KRT17: variants seen among roughly 807,000 people sequenced by gnomAD.
KRT17 encodes keratin, type I cytoskeletal 17.
In KRT17, 29 loss-of-function variants were observed where a neutral mutation model predicts 45.6. The observed-to-expected ratio is 0.64, with a 90% CI of 0.47 to 0.87. KRT17 has a LOEUF of 0.87. Among genes scored for constraint, KRT17 ranks in the 40% least tolerant of loss-of-function variants. The pLI is 0.00. For synonymous variants in KRT17, 219 were observed against 234.6 expected, an observed-to-expected ratio of 0.93 and a Z score of 0.61; for missense variants, 536 against 577.8, an observed-to-expected ratio of 0.93 and a Z score of 0.74.
chr17:41,622,243 C>T (rs1224497323), intron 3 of KRT17, 112 bp downstream of exon 3: 9 of 1,412,546 alleles, frequency 6.4e-6, no homozygotes, highest in Admixed American at 1.7e-5. Context: ...TCTAAGGTGA[C>T]TAATCCCGGT....
rs773674040 is a variant in KRT17, at chr17:41,621,675, C to A, written c.752G>T (p.Arg251Leu). The change falls in exon 4 of 8, where the codon CGC becomes CTC. Residue 251 changes from arginine to leucine, a missense_variant. Arg to Leu is a moderately radical substitution (Grantham distance 102, BLOSUM62 -2). Coordinates refer to ENST00000311208, the MANE Select transcript of KRT17 (RefSeq NM_000422.3). ...CTGGTCACGCATCTCGTTGAGGATG[C>A]GGCTCAGGTCCACGCCTGGGGCAGC... ...MDAAPGVDLS[R>L]ILNEMRDQYE... The A allele has an allele frequency of 1.9e-6, 3 of 1,612,274 alleles. No homozygotes were observed. The highest frequency in any genetic ancestry group is 2.5e-6 in the Non-Finnish European group (3 of 1,179,862).
At position 41,622,356 on chromosome 17, in the gene KRT17, T is replaced by G; in HGVS notation, c.671A>C (p.Glu224Ala). The G allele has an allele frequency of 5.0e-6, 8 of 1,613,268 alleles. No individual in the cohort carries two copies. The highest frequency in any genetic ancestry group is 6.8e-6 in the Non-Finnish European group (8 of 1,179,986). ...GACCTTCTGCCCCAGCCACCTCACCTCCTCGTGGTTCTTCTTCAGGTAGGC... is the reference window on the plus strand; with the variant it reads ...GACCTTCTGCCCCAGCCACCTCACCGCCTCGTGGTTCTTCTTCAGGTAGGC... ...ELAYLKKNHE[E>A]EMNALRGQVG... Residue 224 changes from glutamate to alanine, a missense_variant and splice_region_variant, in exon 3 of 8, where the codon GAG becomes GCG. By Grantham distance (107) the Glu-to-Ala change is moderately radical. Transcript: ENST00000311208.
rs148274114 is a variant in KRT17, at chr17:41,619,525, G to A, written c.*69C>T. On this transcript the variant is annotated 3_prime_UTR_variant, in exon 8 of 8. Transcript: ENST00000311208. ...GCAGGGGGCTGAGGCTGGAGAGGCC[G>A]GAGACTGTGGGGCAGATGGGGCGGC... 1.8e-3 allele frequency: 2,922 copies of A among 1,611,116 alleles called. 9 individuals carry two copies. Among genetic ancestry groups the A allele is most frequent in the Middle Eastern group, 0.013 (59 of 4,436 alleles).
chr17:41,622,715 TGCCTCCC>T (rs1271697773), intron 2 of KRT17, among the ~76,000 whole-genome samples: 4 of 152,208 alleles, frequency 2.6e-5, no homozygotes, highest in Non-Finnish European at 5.9e-5. Context: ...TACTTCTCTC[TGCCTCCC>T]GCCTCCCGCC....
At position 41,622,495 on chromosome 17, in the gene KRT17, C is replaced by T. The variant is rs749685700; in HGVS notation, c.532G>A (p.Ala178Thr). 1.9e-6 allele frequency: 3 copies of T among 1,613,518 alleles called. No individual in the cohort carries two copies. Among genetic ancestry groups the T allele is most frequent in the African/African-American group, 1.3e-5 (1 of 75,058 alleles). Reference protein sequence around the residue: ...DFRTKFETEQALRLSVEADIN... With the variant: ...DFRTKFETEQTLRLSVEADIN... ...TCGGCCTCCACACTCAGGCGCAGGG[C>T]CTGCTCTGTCTCAAACCTGCCGTGG... The change falls in exon 3 of 8, where the codon GCC becomes ACC. Residue 178 changes from alanine to threonine, a missense_variant. Ala to Thr is a moderately conservative substitution (Grantham distance 58). Coordinates refer to ENST00000311208, the MANE Select transcript of KRT17 (RefSeq NM_000422.3).
At chr17:41,621,204 C>G in intron 4 of KRT17, 113 bp from the exon 5 acceptor site, 1 of 1,343,350 alleles carries the variant, frequency 7.4e-7, no homozygotes, top group Non-Finnish European at 1.1e-6. Context: ...CTTCCCACAT[C>G]CCAAAGCCCA....
In KRT17 at chr17:41,619,449, G is replaced by T. The variant is rs144113122; in HGVS notation, c.*145C>A. ...GAACAAGGACACATTTCATAGCTGA[G>T]TCAACAAGCTTTATTGTCATCAGGC... On this transcript the variant is annotated 3_prime_UTR_variant, in exon 8 of 8. Transcript: ENST00000311208. 4.2e-4 allele frequency: 614 copies of T among 1,454,176 alleles called. 1 individual carries two copies. The highest frequency in any genetic ancestry group is 9.9e-4 in the Middle Eastern group (4 of 4,050). The allele number at this position is 1,454,176 out of a possible 1,614,324, so 90.1% of individuals were successfully genotyped here.
rs1908558986 is a variant in KRT17, at chr17:41,621,996, C to T, written c.673-242G>A. The T allele has an allele frequency of 1.6e-5, 10 of 611,420 alleles. No individual in the cohort carries two copies. The South Asian group carries it at 1.8e-4, about 11-fold the overall frequency. 37.9% of individuals were successfully genotyped at this position (611,420 alleles called of 1,614,324 possible). ...AAAATCTAATTATTAGGCCTATGCC[C>T]CCAAAAGTTCCCCTCTAATTTCCAA... is the stretch of plus-strand genomic sequence containing the variant. On this transcript the variant is annotated intron_variant, in intron 3 of 7. Coordinates refer to ENST00000311208, the MANE Select transcript of KRT17 (RefSeq NM_000422.3).
chr17:41,620,969 G>T lies in KRT17; in HGVS notation c.957C>A (p.Ser319Arg). Residue 319 changes from serine (S) to arginine (R), a missense_variant, in exon 5 of 8, where the codon AGC becomes AGA. Physicochemically the swap from Ser to Arg is moderately radical, Grantham distance 110 (BLOSUM62 -1). Coordinates refer to ENST00000311208, the MANE Select transcript of KRT17 (RefSeq NM_000422.3). ...ALEIELQSQLSMKASLEGNLA... is the reference protein window; with the variant it reads ...ALEIELQSQLRMKASLEGNLA... ...CCATGCACAGGACTGTTCCTACCAT[G>T]CTGAGCTGGGACTGCAGCTCTATCT... The T allele has an allele frequency of 6.2e-7, 1 of 1,614,184 alleles. No homozygotes were observed. The highest frequency in any genetic ancestry group is 8.5e-7 in the Non-Finnish European group (1 of 1,180,030).
chr17:41,619,818 C>T, intron 7 of KRT17, 130 bp from the exon 8 acceptor site: 10 of 1,555,870 alleles, frequency 6.4e-6, no homozygotes, highest in South Asian at 1.2e-5. Context: ...TCCACTGGCA[C>T]CTCGACATCA....
Position 41,620,948 on chromosome 17 carries a change from G to A in KRT17, c.960+18C>T. On this transcript the variant is annotated intron_variant, in intron 5 of 7. Coordinates refer to ENST00000311208, the MANE Select transcript of KRT17 (RefSeq NM_000422.3). ...TGCCCTCTTCTGGGCCCTCCCCCAT[G>A]CACAGGACTGTTCCTACCATGCTGA... The A allele has an allele frequency of 1.2e-6, 2 of 1,614,096 alleles. No individual in the cohort carries two copies. The highest frequency in any genetic ancestry group is 1.7e-6 in the Non-Finnish European group (2 of 1,179,998).
Position 41,622,518 on chromosome 17 carries a change from T to C in KRT17, c.516-7A>G, listed in dbSNP as rs550106461. 2.8e-5 allele frequency: 45 copies of C among 1,613,048 alleles called. No individual in the cohort carries two copies. In the East Asian group the frequency reaches 9.4e-4, roughly 34 times the overall value. On this transcript the variant is annotated splice_polypyrimidine_tract_variant and splice_region_variant and intron_variant, in intron 2 of 7. Transcript: ENST00000311208. ...GGCCTGCTCTGTCTCAAACCTGCCG[T>C]GGGAATCAGAGACTTCAGCCCAGGC...
chr17:41,621,882 GA>G, intron 3 of KRT17, 128 bp from the exon 4 acceptor site: 1 of 981,138 alleles, frequency 1.0e-6, no homozygotes, highest in Non-Finnish European at 1.6e-6. Context: ...TGCTCTATCT[GA>G]CCCTCTAAAT....
Position 41,621,617 on chromosome 17 carries a change from A to C in KRT17, c.810T>G (p.Asp270Glu), listed in dbSNP as rs1908544972. 3 of 1,612,104 alleles carry C rather than the reference A, an allele frequency of 1.9e-6. No individual in the cohort carries two copies. The highest frequency in any genetic ancestry group is 2.5e-6 in the Non-Finnish European group (3 of 1,179,860). Residue 270 changes from aspartate (D) to glutamate (E), a missense_variant, in exon 4 of 8, where the codon GAT becomes GAG. Physicochemically the swap from Asp to Glu is conservative, Grantham distance 45. Transcript: ENST00000311208. ...YEKMAEKNRK[D>E]AEDWFFSKTE... The stretch of plus-strand genomic sequence containing the variant: ...CCTTGCTGAAGAACCAATCCTCGGC[A>C]TCCTTGCGGTTCTTCTCTGCCATCT...
chr17:41,619,717 G>T, intron 7 of KRT17, 29 bp from the exon 8 acceptor site: 1 of 1,611,940 alleles, frequency 6.2e-7, no homozygotes, highest in East Asian at 2.2e-5. Flanking sequence ...ATTTAAAGTG[G>T]GTAGGGGCCA....
intron 2 of KRT17, 146 bp downstream of exon 2, chr17:41,622,804 G>A (rs1908587588): frequency 1.3e-6 from 1 of 772,530 alleles, no homozygotes; most frequent in African/African-American, 1.7e-5. Flanking sequence ...CTGCATCCTG[G>A]ACTAAGGAGT....
chr17:41,619,558 C>A lies in KRT17; in HGVS notation c.*36G>T, dbSNP rs1908466050. 2 of 1,611,766 alleles carry A rather than the reference C, an allele frequency of 1.2e-6. No individual in the cohort carries two copies. The highest frequency in any genetic ancestry group is 1.7e-6 in the Non-Finnish European group (2 of 1,179,860). On this transcript the variant is annotated 3_prime_UTR_variant, in exon 8 of 8. Coordinates refer to ENST00000311208, the MANE Select transcript of KRT17 (RefSeq NM_000422.3). ...TGGGGCAGATGGGGCGGCTGCCTCC[C>A]TGCCTCCTGGGTGGCCGGCCGGGGT... is the stretch of plus-strand genomic sequence containing the variant.
At chr17:41,619,857 C>A (rs1908479913) in intron 7 of KRT17, 169 bp from the exon 8 acceptor site, 1 of 985,306 alleles carries the variant, frequency 1.0e-6, no homozygotes, top group Non-Finnish European at 1.2e-6. Flanking sequence ...CCTGTCCCTG[C>A]CACCACCTCC....
intron 3 of KRT17, 110 bp from the exon 4 acceptor site, chr17:41,621,864 T>A: frequency 3.4e-6 from 4 of 1,183,510 alleles, no homozygotes; most frequent in Non-Finnish European, 5.0e-6. Flanking sequence ...CCTCCTTTGT[T>A]CTCCCTCTGC....
Sources: allele counts gnomAD v4.1 joint callset (sites outside exome capture counted in the v4.1 genomes callset), GRCh38; gene constraint gnomAD v4.1.1; transcripts MANE v1.5; gene names NCBI Gene and HGNC (gene_info 2026-07-23, HGNC 2026-07-21).